PTPN13: variants seen among roughly 807,000 people sequenced by gnomAD.
PTPN13 encodes the protein protein tyrosine phosphatase non-receptor type 13.
In PTPN13, 191 loss-of-function variants were observed where a neutral mutation model predicts 284.0. That is an observed-to-expected ratio of 0.67 (90% confidence interval 0.60 to 0.76). The LOEUF (loss-of-function observed/expected upper bound fraction) is 0.76. Among genes scored for constraint, PTPN13 ranks in the 30% least tolerant of loss-of-function variants. The pLI is 0.00. For missense variants in PTPN13, 2,797 were observed against 2,939.9 expected (o/e 0.95, Z 1.12); for synonymous variants, 986 against 1,022.3 (o/e 0.96, Z 0.68).
chr4:86,759,797 AATGAG>A (rs1738453799), intron 23 of PTPN13, among the ~76,000 whole-genome samples: 1 of 152,194 alleles, frequency 6.6e-6, no homozygotes, highest in African/African-American at 2.4e-5. Flanking sequence ...ATGAAAATTA[AATGAG>A]ATAATACATG....
rs148443464 is a variant in PTPN13, at chr4:86,757,285, G to A, written c.3224-975G>A. 9.6e-3 allele frequency among the ~76,000 whole-genome samples: 1,468 copies of A among 152,186 alleles called. 18 individuals are homozygous for A. The highest frequency in any genetic ancestry group is 0.033 in the African/African-American group (1,385 of 41,512). ...AGGATTTATCAAGGACTGACTTCAG[G>A]CATTTTAATGGGCACTGATACTAGT... On this transcript the variant is annotated intron_variant, in intron 20 of 47. Coordinates refer to ENST00000411767, the MANE Select transcript of PTPN13 (RefSeq NM_080683.3).
chr4:86,771,581 T>A, intron 31 of PTPN13, 46 bp downstream of exon 31: 1 of 1,483,206 alleles, frequency 6.7e-7, no homozygotes, highest in South Asian at 1.4e-5. Flanking sequence ...TGGTTGTTGT[T>A]AGTAGCAGTA....
At chr4:86,710,851 C>T (rs764567437) in intron 7 of PTPN13, among the ~76,000 whole-genome samples, 3 of 152,056 alleles carry the variant, frequency 2.0e-5, no homozygotes, top group Non-Finnish European at 2.9e-5. Context: ...TAAAATAGTA[C>T]TAGAGATGAA....
intron 40 of PTPN13, among the ~76,000 whole-genome samples, chr4:86,791,548 T>C (rs1459571912): frequency 6.6e-6 from 1 of 152,174 alleles, no homozygotes; most frequent in East Asian, 1.9e-4. Context: ...GACTGCCTCC[T>C]CAAGTGGGTC....
chr4:86,782,391 C>T (rs1741420872), intron 37 of PTPN13, 129 bp downstream of exon 37: 2 of 848,490 alleles, frequency 2.4e-6, no homozygotes, highest in East Asian at 2.7e-5. Context: ...AATAGTAAGG[C>T]TATATTTTAC....
At chr4:86,739,553 C>T (rs1735924022) in intron 15 of PTPN13, among the ~76,000 whole-genome samples, 1 of 152,098 alleles carries the variant, frequency 6.6e-6, no homozygotes. Flanking sequence ...CCACTGGGTC[C>T]CTCCTTCAAC....
At chr4:86,671,541 A>C (rs372562494) in intron 2 of PTPN13, among the ~76,000 whole-genome samples, 3 of 151,724 alleles carry the variant, frequency 2.0e-5, no homozygotes, top group East Asian at 3.8e-4. Context: ...GTACAGCTTT[A>C]CTTCTAGGTG....
At chr4:86,654,964 C>G (rs1019986014) in intron 2 of PTPN13, among the ~76,000 whole-genome samples, 1 of 152,188 alleles carries the variant, frequency 6.6e-6, no homozygotes, top group Admixed American at 6.5e-5. Context: ...GTTAACTCTT[C>G]TTGTTGAATT....
intron 7 of PTPN13, among the ~76,000 whole-genome samples, chr4:86,714,388 C>T (rs187312313): frequency 6.6e-6 from 1 of 152,032 alleles, no homozygotes; most frequent in South Asian, 2.1e-4. Flanking sequence ...CCAGTCTACT[C>T]GTCCCACATG....
chr4:86,666,399 C>G, intron 2 of PTPN13, among the ~76,000 whole-genome samples: 1 of 152,218 alleles, frequency 6.6e-6, no homozygotes, highest in South Asian at 2.1e-4. Context: ...TCTCTCTTCT[C>G]TCTCTTCTCT....
At chr4:86,686,161 A>G (rs1729429447) in intron 3 of PTPN13, among the ~76,000 whole-genome samples, 1 of 152,206 alleles carries the variant, frequency 6.6e-6, no homozygotes, top group African/African-American at 2.4e-5. Context: ...CAGGAATTCA[A>G]GACGAGCCTG....
Position 86,815,104 on chromosome 4 carries a change from G to C in PTPN13, c.*553G>C, listed in dbSNP as rs568875658. 6.6e-6 allele frequency: 1 copy of C among 152,648 alleles called. No homozygotes were observed. Among genetic ancestry groups the C allele is most frequent in the African/African-American group, 2.4e-5 (1 of 41,556 alleles). 9.5% of individuals were successfully genotyped at this position (152,648 alleles called of 1,614,324 possible). ...CTGTTTGTTACTGCATCATCTGTTT[G>C]TAATCATTATCTCACTTTGTAAATA... is the stretch of plus-strand genomic sequence containing the variant. On this transcript the variant is annotated 3_prime_UTR_variant, in exon 48 of 48. Transcript: ENST00000411767.
intron 2 of PTPN13, among the ~76,000 whole-genome samples, chr4:86,639,208 A>C (rs540009341): frequency 0.046 from 6,908 of 151,574 alleles, 216 homozygotes; most frequent in African/African-American, 0.06. Context: ...GAGAAACAGG[A>C]ACACTTTTAC....
intron 12 of PTPN13, 136 bp downstream of exon 12, chr4:86,732,902 C>A: frequency 1.7e-6 from 1 of 576,724 alleles, no homozygotes; most frequent in Non-Finnish European, 2.7e-6. Flanking sequence ...GAGTTAGGAA[C>A]TCCCTTTCTT....
At chr4:86,764,133 T>C (rs1284286339) in intron 24 of PTPN13, among the ~76,000 whole-genome samples, 1 of 152,180 alleles carries the variant, frequency 6.6e-6, no homozygotes, top group African/African-American at 2.4e-5. Context: ...TTTAGAGGCT[T>C]GGGTTAAAAG....
chr4:86,794,206 C>T (rs992771771), intron 40 of PTPN13, among the ~76,000 whole-genome samples: 1 of 152,152 alleles, frequency 6.6e-6, no homozygotes, highest in Non-Finnish European at 1.5e-5. Context: ...TCAGCAAACT[C>T]TCAGGGTACA....
At chr4:86,677,442 G>A (rs1728414546) in intron 3 of PTPN13, among the ~76,000 whole-genome samples, 1 of 150,744 alleles carries the variant, frequency 6.6e-6, no homozygotes, top group Admixed American at 6.6e-5. Flanking sequence ...AGCCTCCCAA[G>A]TAGCTAGGAC....
intron 36 of PTPN13, among the ~76,000 whole-genome samples, chr4:86,781,015 C>A (rs910769742): frequency 1.3e-5 from 2 of 152,174 alleles, no homozygotes; most frequent in African/African-American, 4.8e-5. Flanking sequence ...GTTTCATACT[C>A]TGCCAATATG....
chr4:86,754,197 T>C (rs1414781700), intron 20 of PTPN13, among the ~76,000 whole-genome samples: 2 of 152,092 alleles, frequency 1.3e-5, no homozygotes, highest in Non-Finnish European at 2.9e-5. Context: ...ATTTTATTTT[T>C]GAATGTATCC....
Sources: allele counts gnomAD v4.1 joint callset (sites outside exome capture counted in the v4.1 genomes callset), GRCh38; gene constraint gnomAD v4.1.1; transcripts MANE v1.5; gene names NCBI Gene and HGNC (gene_info 2026-07-23, HGNC 2026-07-21).